HECTD4: variants seen among roughly 807,000 people sequenced by gnomAD.
HECTD4 encodes the protein HECT domain E3 ubiquitin protein ligase 4.
A neutral mutation model predicts 471.5 loss-of-function variants in HECTD4; 114 were observed. That is an observed-to-expected ratio of 0.24 (90% CI 0.21 to 0.28). The LOEUF (loss-of-function observed/expected upper bound fraction) is 0.28. Ranked by LOEUF, HECTD4 falls within the 10% of genes least tolerant of loss-of-function variation. The pLI, the probability that HECTD4 is intolerant of heterozygous loss-of-function variation, is 1.00. For missense variants in HECTD4, 3,866 were observed against 5,651.5 expected (o/e 0.68, Z 10.13); for synonymous variants, 2,012 against 2,256.0 (o/e 0.89, Z 3.07).
intron 59 of HECTD4, among the ~76,000 whole-genome samples, chr12:112,191,171 G>A (rs572728580): frequency 1.3e-5 from 2 of 152,366 alleles, no homozygotes; most frequent in South Asian, 4.1e-4. Context: ...CCTCCAGGGA[G>A]TCCGCTTACT....
chr12:112,242,400 C>A (rs2033660700), intron 32 of HECTD4, among the ~76,000 whole-genome samples: 1 of 151,564 alleles, frequency 6.6e-6, no homozygotes, highest in Admixed American at 6.6e-5. Flanking sequence ...ATCCCTTGAG[C>A]CCAGAAATTT....
rs760691787 is a variant in HECTD4 at position 112,216,886 on chromosome 12, G to C, written c.7272C>G (p.Ser2424=). The part of the protein sequence containing the change: ...PSFYWEIEIV[S]YGDTDDDTGP... The stretch of plus-strand genomic sequence containing the variant: ...CGGTGTCATCATCGGTGTCTCCATA[G>C]GAAACGATTTCAATTTCCCAGTAAA... The change falls in exon 47 of 76, where the codon TCC becomes TCG. Residue 2424 remains serine, a synonymous_variant. Coordinates refer to ENST00000682272, the MANE Select transcript of HECTD4 (RefSeq NM_001388303.1). 1 of 1,613,994 alleles carries C rather than the reference G, an allele frequency of 6.2e-7. No homozygotes were observed. Among genetic ancestry groups the C allele is most frequent in the South Asian group, 1.1e-5 (1 of 91,078 alleles).
intron 22 of HECTD4, among the ~76,000 whole-genome samples, chr12:112,253,273 C>T (rs987062740): frequency 2.6e-5 from 4 of 152,038 alleles, no homozygotes; most frequent in Admixed American, 1.3e-4. Context: ...GACAGACACA[C>T]ACCACCACGC....
At chr12:112,371,488 T>G (rs766066178) in intron 1 of HECTD4, among the ~76,000 whole-genome samples, 50 of 151,726 alleles carry the variant, frequency 3.3e-4, no homozygotes, top group Middle Eastern at 3.2e-3. Flanking sequence ...GGCAGAAGAA[T>G]AGCTTGAACC....
At chr12:112,164,641 A>G (rs2030853593) in intron 72 of HECTD4, among the ~76,000 whole-genome samples, 1 of 148,508 alleles carries the variant, frequency 6.7e-6, no homozygotes, top group Middle Eastern at 3.4e-3. Flanking sequence ...TTTTTTTGAG[A>G]CGGAGTTTTG....
In HECTD4 at chr12:112,261,761, G is replaced by A. The variant is rs969792179; in HGVS notation, c.2749-332C>T. 6.1e-5 allele frequency: 11 copies of A among 179,212 alleles called. No individual in the cohort carries two copies. The East Asian group carries it at 1.5e-3, about 25-fold the overall frequency. 11.1% of individuals were successfully genotyped at this position (179,212 alleles called of 1,614,324 possible). Reference sequence around the variant, plus strand: ...TTCCCATCCCATCCAGCACAAGAGAGCTCCTGGTGGCCAGCCCAGAAACTG... The same window carrying A: ...TTCCCATCCCATCCAGCACAAGAGAACTCCTGGTGGCCAGCCCAGAAACTG... On this transcript the variant is annotated intron_variant, in intron 17 of 75. Transcript: ENST00000682272.
At chr12:112,312,291 C>A (rs1197110775) in intron 4 of HECTD4, among the ~76,000 whole-genome samples, 1 of 152,056 alleles carries the variant, frequency 6.6e-6, no homozygotes. Context: ...TAATAAGTAC[C>A]AGTTACAATT....
rs2030677252 is a variant in HECTD4 at position 112,161,245 on chromosome 12, T to C, written c.*1142A>G. The C allele has an allele frequency of 7.9e-6, 1 of 126,664 alleles. No homozygotes were observed. Among genetic ancestry groups the C allele is most frequent in the Non-Finnish European group, 1.5e-5 (1 of 64,964 alleles). 7.8% of individuals were successfully genotyped at this position (126,664 alleles called of 1,614,324 possible). On this transcript the variant is annotated 3_prime_UTR_variant, in exon 76 of 76. Coordinates refer to ENST00000682272, the MANE Select transcript of HECTD4 (RefSeq NM_001388303.1). Reference sequence around the variant, plus strand: ...AAAGTACCACTGGACAAAGACCTATTTGGGGCAAAGATGCAGTGGGTGAGC... The same window carrying C: ...AAAGTACCACTGGACAAAGACCTATCTGGGGCAAAGATGCAGTGGGTGAGC...
At chr12:112,374,683 T>TCCAAAGGATTTTGC (rs2036745620) in intron 1 of HECTD4, among the ~76,000 whole-genome samples, 2 of 152,296 alleles carry the variant, frequency 1.3e-5, no homozygotes, top group African/African-American at 4.8e-5. Context: ...ATAAACACTT[T>TCCAAAGGATTTTGC]CCAAAGGATT....
chr12:112,319,301 A>G lies in HECTD4; in HGVS notation c.619T>C (p.Ser207Pro). 1 of 1,536,144 alleles carries G rather than the reference A, an allele frequency of 6.5e-7. No individual in the cohort carries two copies. Among genetic ancestry groups the G allele is most frequent in the Non-Finnish European group, 8.7e-7 (1 of 1,146,892 alleles). The stretch of plus-strand genomic sequence containing the variant: ...TGTGGGATGTGTCGGCCTGTGTCAG[A>G]AGTCTCCTCTAGCCAAGAGCACAGC... Reference protein sequence around the residue: ...TLLCSWLEETSDTGRHIPHKQ... With the variant: ...TLLCSWLEETPDTGRHIPHKQ... The change falls in exon 2 of 76, where the codon TCT (serine) becomes CCT (proline). Residue 207 changes from serine to proline, a missense_variant. Ser to Pro is a moderately conservative substitution (Grantham distance 74, BLOSUM62 -1). This residue lies in a region of HECTD4 where 440 missense variants were observed against 636.0 expected (regional missense o/e 0.69). Coordinates refer to ENST00000682272, the MANE Select transcript of HECTD4 (RefSeq NM_001388303.1). The surrounding 1 kb of genome is among the most constrained non-coding windows in gnomAD (Gnocchi z 5.3).
chr12:112,167,769 GAC>G (rs753263493), intron 71 of HECTD4, 43 bp downstream of exon 71: 2 of 1,523,034 alleles, frequency 1.3e-6, no homozygotes, highest in Non-Finnish European at 1.8e-6. Flanking sequence ...CACTGCGCAG[GAC>G]ATGAGCTCGG....
At chr12:112,283,830 G>A (rs1425046148) in intron 7 of HECTD4, among the ~76,000 whole-genome samples, 2 of 152,140 alleles carry the variant, frequency 1.3e-5, no homozygotes, top group African/African-American at 4.8e-5. Context: ...CTTTGCTGGT[G>A]CTTTGCAGTT....
At chr12:112,244,110 T>G in intron 29 of HECTD4, 101 bp from the exon 30 acceptor site, 1 of 1,248,062 alleles carries the variant, frequency 8.0e-7, no homozygotes, top group East Asian at 2.5e-5. Flanking sequence ...CTTTGCTTTC[T>G]ATCACAGTTC....
intron 1 of HECTD4, among the ~76,000 whole-genome samples, chr12:112,329,279 C>T (rs1293278673): frequency 2.0e-5 from 3 of 152,004 alleles, no homozygotes; most frequent in African/African-American, 7.3e-5. Context: ...GTACTGTATA[C>T]ATACTTCTTA....
chr12:112,209,919 G>A, intron 50 of HECTD4, 96 bp downstream of exon 50: 1 of 1,024,662 alleles, frequency 9.8e-7, no homozygotes, highest in Non-Finnish European at 1.5e-6. Context: ...ACTCCTGATT[G>A]TAATGAGGAT....
At chr12:112,237,125 AGATTG>A in intron 34 of HECTD4, 27 bp from the exon 35 acceptor site, 1 of 1,526,200 alleles carries the variant, frequency 6.6e-7, no homozygotes, top group South Asian at 1.2e-5. Context: ...AGAAAAAAAG[AGATTG>A]GTGAAAACTT....
Position 112,208,446 on chromosome 12 carries a change from G to A in HECTD4, c.8004+48C>T, listed in dbSNP as rs374314719. 8.0e-6 allele frequency: 12 copies of A among 1,495,630 alleles called. No homozygotes were observed. In the African/African-American group the frequency reaches 1.7e-4, roughly 21 times the overall value. 92.6% of individuals were successfully genotyped at this position (1,495,630 alleles called of 1,614,324 possible). On this transcript the variant is annotated intron_variant, in intron 51 of 75. Transcript: ENST00000682272. Reference sequence around the variant, plus strand: ...CCAGGCTTGTCCTAGTCACTAGGGAGCTAAGCAAATGCTGCTGAGTCCTGA... The same window carrying A: ...CCAGGCTTGTCCTAGTCACTAGGGAACTAAGCAAATGCTGCTGAGTCCTGA...
In HECTD4 at chr12:112,308,790, T is replaced by C. The variant is rs930907743; in HGVS notation, c.1127A>G (p.His376Arg). 2.6e-6 allele frequency: 4 copies of C among 1,535,876 alleles called. No homozygotes were observed. Among genetic ancestry groups the C allele is most frequent in the Non-Finnish European group, 3.5e-6 (4 of 1,146,804 alleles). ...CTGGTCAATGACCTGGAAAAGGGAGTGAGGTTTATTATCGAAAGAGACAGG... is the reference window on the plus strand; with the variant it reads ...CTGGTCAATGACCTGGAAAAGGGAGCGAGGTTTATTATCGAAAGAGACAGG... ...HRPVSFDNKPHSLFQVIDQNT... is the reference protein window; with the variant it reads ...HRPVSFDNKPRSLFQVIDQNT... Residue 376 changes from histidine (H) to arginine (R), a missense_variant, in exon 6 of 76, where the codon CAC becomes CGC. His to Arg is a conservative substitution (Grantham distance 29). Coordinates refer to ENST00000682272, the MANE Select transcript of HECTD4 (RefSeq NM_001388303.1).
intron 60 of HECTD4, among the ~76,000 whole-genome samples, chr12:112,187,509 A>AT (rs1468423054): frequency 6.6e-6 from 1 of 151,872 alleles, no homozygotes; most frequent in Non-Finnish European, 1.5e-5. Context: ...AAGTGCTGGG[A>AT]TTACAGGCGT....
Sources: gnomAD v4.1 joint callset for allele counts (sites outside exome capture counted in the v4.1 genomes callset) on GRCh38, gnomAD v4.1.1 for gene constraint, gnomAD v4.1.1 regional missense constraint, Gnocchi (gnomAD v3.1) non-coding constraint, MANE v1.5 for transcripts, NCBI Gene and HGNC (gene_info 2026-07-23, HGNC 2026-07-21) for gene names.